NPAS1: variants seen among roughly 807,000 people sequenced by gnomAD.
NPAS1 encodes neuronal PAS domain-containing protein 1.
Under a neutral mutation model 49.2 loss-of-function variants are expected in NPAS1, and 29 were observed. That is an observed-to-expected ratio of 0.59 (90% confidence interval 0.44 to 0.80). The LOEUF (loss-of-function observed/expected upper bound fraction) is 0.80, where lower values mean the gene tolerates loss of function less well. Among genes scored for constraint, NPAS1 ranks in the 30% least tolerant of loss-of-function variants. The pLI, the probability that NPAS1 is intolerant of heterozygous loss-of-function variation, is 0.00. For missense variants in NPAS1, 825 were observed against 835.5 expected (o/e 0.99, Z 0.15); for synonymous variants, 408 against 380.4 (o/e 1.07, Z -0.84).
chr19:47,043,003 T>G, intron 11 of NPAS1, 99 bp downstream of exon 11: 1 of 895,722 alleles, frequency 1.1e-6, no homozygotes. Flanking sequence ...CAGCCATTTA[T>G]ATACAATTAA....
intron 5 of NPAS1, among the ~76,000 whole-genome samples, chr19:47,035,517 A>G (rs2056945341): frequency 6.6e-6 from 1 of 152,182 alleles, no homozygotes; most frequent in Admixed American, 6.5e-5. Flanking sequence ...ATTGAATGTA[A>G]AAGTGTCTGA....
rs899238316 is a variant in NPAS1, at chr19:47,045,725, G to A, written c.*74G>A. 7 of 1,252,434 alleles carry A rather than the reference G, an allele frequency of 5.6e-6. No individual in the cohort carries two copies. The highest frequency in any genetic ancestry group is 1.6e-5 in the African/African-American group (1 of 62,888). The allele number at this position is 1,252,434 out of a possible 1,614,324, so 77.6% of individuals were successfully genotyped here. On this transcript the variant is annotated 3_prime_UTR_variant, in exon 12 of 12. Coordinates refer to ENST00000602212, the MANE Select transcript of NPAS1 (RefSeq NM_002517.4). ...CAGGACAGTAGGCCCGGCTCTGCCC[G>A]TAGCCCTGAGAATTAAACGCCGGCT...
intron 5 of NPAS1, among the ~76,000 whole-genome samples, chr19:47,034,771 G>C (rs1024297461): frequency 1.3e-5 from 2 of 152,104 alleles, no homozygotes; most frequent in South Asian, 4.1e-4. Context: ...AGCTACTCCA[G>C]AGGCTGAGGC....
chr19:47,039,269 G>C, intron 7 of NPAS1, 118 bp downstream of exon 7: 1 of 1,467,078 alleles, frequency 6.8e-7, no homozygotes, highest in South Asian at 1.3e-5. Flanking sequence ...AACTGGGTCT[G>C]GGAATGGGAC....
At chr19:47,026,952 CA>C (rs796473852) in intron 3 of NPAS1, among the ~76,000 whole-genome samples, 2,776 of 118,554 alleles carry the variant, frequency 0.023, 85 homozygotes, top group African/African-American at 0.076. Flanking sequence ...GATGCCGTCT[CA>C]AAAAAAAAAA....
chr19:47,034,314 CAAAAAAAA>C (rs76817156), intron 5 of NPAS1, among the ~76,000 whole-genome samples: 1 of 92,720 alleles, frequency 1.1e-5, no homozygotes, highest in Non-Finnish European at 2.0e-5. Flanking sequence ...AACTCCGTCT[CAAAAAAAA>C]AAAAAAAAAA....
At chr19:47,020,029 GA>G in intron 1 of NPAS1, 32 bp downstream of exon 1, 1 of 316,590 alleles carries the variant, frequency 3.2e-6, no homozygotes, top group Non-Finnish European at 5.7e-6. Flanking sequence ...GCAGGAGGGG[GA>G]CTTCTGGGTC....
At chr19:47,023,186 C>A (rs1376345371) in intron 3 of NPAS1, among the ~76,000 whole-genome samples, 1 of 152,136 alleles carries the variant, frequency 6.6e-6, no homozygotes, top group Admixed American at 6.5e-5. Context: ...GCGGCATTAG[C>A]GCCGCTGATT....
intron 3 of NPAS1, among the ~76,000 whole-genome samples, chr19:47,026,791 C>G (rs1436983953): frequency 6.6e-6 from 1 of 150,542 alleles, no homozygotes; most frequent in African/African-American, 2.5e-5. Context: ...CCCGTCTCAA[C>G]TAAAAATACA....
intron 3 of NPAS1, among the ~76,000 whole-genome samples, chr19:47,031,047 CCTT>C (rs1002567601): frequency 6.6e-6 from 1 of 152,088 alleles, no homozygotes; most frequent in Non-Finnish European, 1.5e-5. Context: ...CTCTCTGCCT[CCTT>C]CTCATCCTTC....
chr19:47,041,067 G>A lies in NPAS1; in HGVS notation c.1159G>A (p.Ala387Thr). 1 of 1,596,228 alleles carries A rather than the reference G, an allele frequency of 6.3e-7. No individual in the cohort carries two copies. The highest frequency in any genetic ancestry group is 8.5e-7 in the Non-Finnish European group (1 of 1,173,868). ...FVWLQSVATV[A>T]GSGKSPGEHH... ...GTGGCTGCAGTCTGTGGCCACAGTG[G>A]CTGGGAGCGGGAAGAGCCCCGGGGA... is the stretch of plus-strand genomic sequence containing the variant. Residue 387 changes from alanine to threonine, a missense_variant, in exon 10 of 12, where the codon GCT becomes ACT. By Grantham distance (58) the Ala-to-Thr change is moderately conservative. Coordinates refer to ENST00000602212, the MANE Select transcript of NPAS1 (RefSeq NM_002517.4).
intron 3 of NPAS1, 101 bp from the exon 4 acceptor site, chr19:47,032,177 G>A: frequency 9.3e-7 from 1 of 1,076,492 alleles, no homozygotes; most frequent in Non-Finnish European, 1.4e-6. Flanking sequence ...ATGTCTACAA[G>A]CCTTAGGGGA....
intron 3 of NPAS1, among the ~76,000 whole-genome samples, chr19:47,029,316 T>G (rs2056892186): frequency 6.6e-6 from 1 of 152,044 alleles, no homozygotes; most frequent in Non-Finnish European, 1.5e-5. Context: ...ACTCCTGACC[T>G]CAGGTGATCT....
chr19:47,033,975 TAAAAAAAAAAAAAAAAAA>T lies in NPAS1; in HGVS notation c.522+1272_522+1289del, dbSNP rs532811476. On this transcript the variant is annotated intron_variant, in intron 5 of 11. Coordinates refer to ENST00000602212, the MANE Select transcript of NPAS1 (RefSeq NM_002517.4). ...TGGACAACAAAGTGAGGCTATGCCT[TAAAAAAAAAAAAAAAAAA>T]AAAAAAAAAAAAAAAAAAAAAAAAA... Among the ~76,000 whole-genome samples the T allele has an allele frequency of 1.3e-4, 13 of 100,846 alleles. No homozygotes were observed. In the East Asian group the frequency reaches 1.7e-3, roughly 14 times the overall value. The allele number at this position is 100,846 out of a possible 152,430, so 66.2% of individuals were successfully genotyped here. A position where few individuals can be genotyped will look rare whatever the true frequency, so the allele number is the denominator to read the frequency against.
chr19:47,038,314 T>C (rs550060397), intron 6 of NPAS1, among the ~76,000 whole-genome samples: 5 of 152,072 alleles, frequency 3.3e-5, no homozygotes, highest in Non-Finnish European at 2.9e-5. Context: ...GTCAAGAGAT[T>C]GAGACCATCC....
intron 11 of NPAS1, 121 bp from the exon 12 acceptor site, chr19:47,045,065 CAAAAA>C: frequency 1.1e-6 from 1 of 883,286 alleles, no homozygotes; most frequent in Non-Finnish European, 1.7e-6. Flanking sequence ...AACAAACAAA[CAAAAA>C]AAAAAACCCC....
At chr19:47,030,920 G>A (rs2056901419) in intron 3 of NPAS1, among the ~76,000 whole-genome samples, 1 of 152,016 alleles carries the variant, frequency 6.6e-6, no homozygotes, top group East Asian at 1.9e-4. Context: ...GATTACAGGC[G>A]TGAGCCACCA....
Position 47,021,815 on chromosome 19 carries a change from G to C in NPAS1, c.326G>C (p.Gly109Ala), listed in dbSNP as rs1215940225. ...RFAALGAPPW[G>A]LRAAGPPAGL... ...GCCGCGCTGGGGGCGCCGCCCTGGG[G>C]GCTGAGAGCCGCGGGGCCGCCAGCT... The change falls in exon 3 of 12, where the codon GGG (glycine) becomes GCG (alanine). Residue 109 changes from glycine to alanine, a missense_variant. By Grantham distance (60) the Gly-to-Ala change is moderately conservative. Coordinates refer to ENST00000602212, the MANE Select transcript of NPAS1 (RefSeq NM_002517.4). This position sits in a 1 kb window ranked among gnomAD's most constrained non-coding sequence, Gnocchi z 5.7. 6.6e-6 allele frequency: 10 copies of C among 1,519,264 alleles called. No individual in the cohort carries two copies. Among genetic ancestry groups the C allele is most frequent in the East Asian group, 5.2e-5 (2 of 38,520 alleles). The allele number at this position is 1,519,264 out of a possible 1,614,324, so 94.1% of individuals were successfully genotyped here. A position where few individuals can be genotyped will look rare whatever the true frequency, so the allele number is the denominator to read the frequency against.
chr19:47,044,633 T>C (rs550539610), intron 11 of NPAS1, among the ~76,000 whole-genome samples: 37 of 152,334 alleles, frequency 2.4e-4, no homozygotes, highest in African/African-American at 8.2e-4. Context: ...GGGATGTTTA[T>C]TTTACAGCAT....
Sources: gnomAD v4.1 joint callset for allele counts (sites outside exome capture counted in the v4.1 genomes callset) on GRCh38, gnomAD v4.1.1 for gene constraint, Gnocchi (gnomAD v3.1) non-coding constraint, MANE v1.5 for transcripts, NCBI Gene and HGNC (gene_info 2026-07-23, HGNC 2026-07-21) for gene names.